The following CCDC186 variants were observed in gnomAD, a reference collection of about 807,000 sequenced individuals.
The protein encoded by CCDC186 is coiled-coil domain containing 186.
In CCDC186, 49 loss-of-function variants were observed where a neutral mutation model predicts 113.7. That is an observed-to-expected ratio of 0.43 (90% CI 0.34 to 0.55). The LOEUF is 0.55. Among genes scored for constraint, CCDC186 ranks in the 20% least tolerant of loss-of-function variants. The pLI, the probability that CCDC186 is intolerant of heterozygous loss-of-function variation, is 0.02. For missense variants in CCDC186, 890 were observed against 1,011.1 expected, an observed-to-expected ratio of 0.88 and a Z score of 1.62; for synonymous variants, 355 against 345.8, an observed-to-expected ratio of 1.03 and a Z score of -0.30.
intron 13 of CCDC186, 47 bp from the exon 14 acceptor site, chr10:114,127,718 C>A: frequency 7.0e-7 from 1 of 1,419,874 alleles, no homozygotes; most frequent in South Asian, 1.2e-5. Context: ...AATCTAACAT[C>A]ACCTCTCATC....
intron 1 of CCDC186, among the ~76,000 whole-genome samples, chr10:114,163,581 T>G (rs1420691643): frequency 6.6e-6 from 1 of 152,200 alleles, no homozygotes; most frequent in Non-Finnish European, 1.5e-5. Context: ...TTAATTAATT[T>G]CAGTTGTAGT....
Position 114,151,087 on chromosome 10 carries a change from A to G in CCDC186, c.888+5T>C. On this transcript the variant is annotated splice_donor_5th_base_variant and intron_variant, in intron 4 of 15. Transcript: ENST00000369287. ...AGTTAATAATGACAACGATGTGAGAAATACCTGTTCCATCCGTTGGGCCAT... is the reference window on the plus strand; with the variant it reads ...AGTTAATAATGACAACGATGTGAGAGATACCTGTTCCATCCGTTGGGCCAT... 6.2e-7 allele frequency: 1 copy of G among 1,610,240 alleles called. No homozygotes were observed. The highest frequency in any genetic ancestry group is 8.5e-7 in the Non-Finnish European group (1 of 1,179,008).
chr10:114,153,929 G>A (rs2031929447), intron 3 of CCDC186, among the ~76,000 whole-genome samples: 1 of 151,676 alleles, frequency 6.6e-6, no homozygotes, highest in African/African-American at 2.4e-5. Flanking sequence ...CAGAGACAAG[G>A]CCAGGTGAAG....
chr10:114,173,746 C>G (rs893156332), intron 1 of CCDC186, among the ~76,000 whole-genome samples: 1 of 152,242 alleles, frequency 6.6e-6, no homozygotes, highest in Non-Finnish European at 1.5e-5. Context: ...CCCCCACGAC[C>G]CCCGCTGACC....
chr10:114,169,393 G>A (rs2032430375), intron 1 of CCDC186, among the ~76,000 whole-genome samples: 1 of 151,910 alleles, frequency 6.6e-6, no homozygotes, highest in African/African-American at 2.4e-5. Flanking sequence ...ACAGGGTTGT[G>A]CCATCACACC....
At chr10:114,130,440 T>C (rs559007023) in intron 12 of CCDC186, 2 of 153,488 alleles carry the variant, frequency 1.3e-5, no homozygotes, top group South Asian at 4.1e-4. Flanking sequence ...GAGGTTGAAA[T>C]ACGTGTCTTA....
chr10:114,143,715 T>C (rs2031547747), intron 6 of CCDC186, among the ~76,000 whole-genome samples: 1 of 152,204 alleles, frequency 6.6e-6, no homozygotes, highest in African/African-American at 2.4e-5. Flanking sequence ...GTTCTACTGA[T>C]TTAGAACTAT....
chr10:114,138,302 T>C (rs1246528306), intron 6 of CCDC186, among the ~76,000 whole-genome samples: 3 of 8,564 alleles, frequency 3.5e-4, no homozygotes, highest in Non-Finnish European at 1.4e-3. Flanking sequence ...TTTTTTTTTT[T>C]TTTTTTTTGG....
chr10:114,144,841 T>C (rs751781073), intron 5 of CCDC186, among the ~76,000 whole-genome samples: 5 of 152,146 alleles, frequency 3.3e-5, no homozygotes, highest in Admixed American at 6.5e-5. Context: ...TTTTAACCAA[T>C]TGGATGTATT....
chr10:114,154,996 A>C (rs907691650), intron 3 of CCDC186, among the ~76,000 whole-genome samples: 2 of 152,254 alleles, frequency 1.3e-5, no homozygotes, highest in African/African-American at 2.4e-5. Context: ...GGTACCTATT[A>C]TATAATTCCA....
chr10:114,160,703 A>C (rs1308702640), intron 2 of CCDC186, among the ~76,000 whole-genome samples: 1 of 152,246 alleles, frequency 6.6e-6, no homozygotes, highest in Non-Finnish European at 1.5e-5. Context: ...ATGTATAAAC[A>C]AAGATTTGGA....
At chr10:114,150,272 A>G (rs1003160990) in intron 4 of CCDC186, among the ~76,000 whole-genome samples, 2 of 152,260 alleles carry the variant, frequency 1.3e-5, no homozygotes, top group Non-Finnish European at 2.9e-5. Context: ...CAAAGACGTC[A>G]TCCATAAAGA....
chr10:114,153,765 G>A (rs2031923590), intron 3 of CCDC186, among the ~76,000 whole-genome samples: 1 of 138,446 alleles, frequency 7.2e-6, no homozygotes. Context: ...CGGTCTGGGT[G>A]ACAAGAGCGA....
chr10:114,152,870 G>A (rs997976317), intron 3 of CCDC186, among the ~76,000 whole-genome samples: 1 of 152,118 alleles, frequency 6.6e-6, no homozygotes, highest in African/African-American at 2.4e-5. Context: ...AATTAAGAAT[G>A]TTACCAGAGA....
chr10:114,164,114 A>ATATTT (rs1478462193), intron 1 of CCDC186, among the ~76,000 whole-genome samples: 1 of 79,182 alleles, frequency 1.3e-5, no homozygotes, highest in African/African-American at 4.9e-5. Context: ...ATATATATAT[A>ATATTT]TTTTTTTTTT....
rs1476162134 is a variant in CCDC186, at chr10:114,145,699, T to G, written c.951A>C (p.Arg317Ser). The G allele has an allele frequency of 2.5e-6, 4 of 1,610,744 alleles. No individual in the cohort carries two copies. Residue 317 changes from arginine to serine, a missense_variant, in exon 5 of 16, where the codon AGA becomes AGC. Physicochemically the swap from Arg to Ser is moderately radical, Grantham distance 110. Transcript: ENST00000369287. ...EKEAMVMKYVRGEKESLDLRK... is the reference protein window; with the variant it reads ...EKEAMVMKYVSGEKESLDLRK... ...GAAGATCTAAAGATTCCTTCTCACC[T>G]CTTACATATTTCATTACCATTGCTT...
chr10:114,131,899 G>C (rs1438694315), intron 11 of CCDC186, 30 bp downstream of exon 11: 2 of 1,558,510 alleles, frequency 1.3e-6, no homozygotes, highest in Non-Finnish European at 1.7e-6. Context: ...TTGTTACGTT[G>C]TTTTAAAAAA....
chr10:114,143,516 T>C (rs1172475157), intron 6 of CCDC186, among the ~76,000 whole-genome samples: 1 of 152,176 alleles, frequency 6.6e-6, no homozygotes, highest in Non-Finnish European at 1.5e-5. Context: ...CCTCCTCCTT[T>C]CTGAAAATTC....
rs1204581158 is a variant in CCDC186, at chr10:114,121,008, A to G, written c.*4135T>C. 1.3e-5 allele frequency: 2 copies of G among 152,204 alleles called. No individual in the cohort carries two copies. Among genetic ancestry groups the G allele is most frequent in the Admixed American group, 1.3e-4 (2 of 15,270 alleles). 9.4% of individuals were successfully genotyped at this position (152,204 alleles called of 1,614,324 possible). A position where few individuals can be genotyped will look rare whatever the true frequency, so the allele number is the denominator to read the frequency against. On this transcript the variant is annotated 3_prime_UTR_variant, in exon 16 of 16. Coordinates refer to ENST00000369287, the MANE Select transcript of CCDC186 (RefSeq NM_018017.4). ...ACAATACACACACACACACATATATATATGTCCTCTGGAAGATAAACAAGT... is the reference window on the plus strand; with the variant it reads ...ACAATACACACACACACACATATATGTATGTCCTCTGGAAGATAAACAAGT...
Sources: gnomAD v4.1 joint callset for allele counts (sites outside exome capture counted in the v4.1 genomes callset) on GRCh38, gnomAD v4.1.1 for gene constraint, MANE v1.5 for transcripts, NCBI Gene and HGNC (gene_info 2026-07-23, HGNC 2026-07-21) for gene names.